The following STK32B variants were observed in gnomAD, a reference collection of about 807,000 sequenced individuals.
STK32B encodes the protein serine/threonine kinase 32B.
A neutral mutation model predicts 52.6 loss-of-function variants in STK32B; 43 were observed. That is an observed-to-expected ratio of 0.82 (90% CI 0.64 to 1.05). The LOEUF is 1.05. Ranked by LOEUF, STK32B falls within the 50% of genes least tolerant of loss-of-function variation. STK32B has a pLI of 0.00. For missense variants in STK32B, 621 were observed against 534.6 expected (o/e 1.16, Z -1.59); for synonymous variants, 238 against 204.3 (o/e 1.17, Z -1.41).
intron 5 of STK32B, among the ~76,000 whole-genome samples, chr4:5,409,182 C>T (rs1489072074): frequency 2.6e-5 from 4 of 152,078 alleles, no homozygotes; most frequent in African/African-American, 9.7e-5. Flanking sequence ...TCAGCAGAAT[C>T]GAAATCTCGG....
At chr4:5,357,062 T>C (rs1416760847) in intron 4 of STK32B, among the ~76,000 whole-genome samples, 1 of 146,206 alleles carries the variant, frequency 6.8e-6, no homozygotes, top group African/African-American at 2.6e-5. Flanking sequence ...CACACATATA[T>C]ACACACATAT....
rs28482954 is a variant in STK32B at position 5,278,215 on chromosome 4, C to A, written c.261-53005C>A. ...TTGCTGAGGAATGGTGGACAAAATA[C>A]ATTTAAAAATTAAGTACAGAACTGA... On this transcript the variant is annotated intron_variant, in intron 3 of 11. Coordinates refer to ENST00000282908, the MANE Select transcript of STK32B (RefSeq NM_018401.3). Among the ~76,000 whole-genome samples, 512 of 152,272 alleles carry A rather than the reference C, an allele frequency of 3.4e-3. 4 individuals carry two copies. Among genetic ancestry groups the A allele is most frequent in the South Asian group, 0.015 (70 of 4,824 alleles).
chr4:5,088,864 C>G (rs1264464881), intron 1 of STK32B, among the ~76,000 whole-genome samples: 1 of 151,556 alleles, frequency 6.6e-6, no homozygotes, highest in African/African-American at 2.4e-5. Context: ...AAATCAATAA[C>G]CTAATCTTTC....
intron 3 of STK32B, among the ~76,000 whole-genome samples, chr4:5,306,730 G>A (rs1214722810): frequency 1.3e-5 from 2 of 152,002 alleles, no homozygotes; most frequent in Non-Finnish European, 2.9e-5. Flanking sequence ...TTGTTTTATA[G>A]GTCCTGTGAC....
chr4:5,465,749 A>G (rs1717379126), intron 9 of STK32B, among the ~76,000 whole-genome samples: 1 of 152,204 alleles, frequency 6.6e-6, no homozygotes, highest in South Asian at 2.1e-4. Flanking sequence ...CACAGGGCCC[A>G]GTGGCAAGGC....
intron 3 of STK32B, among the ~76,000 whole-genome samples, chr4:5,301,345 T>A (rs1328223746): frequency 6.6e-6 from 1 of 152,140 alleles, no homozygotes; most frequent in Non-Finnish European, 1.5e-5. Context: ...AAGATTGTTA[T>A]TAGCTCTTCT....
chr4:5,051,490 T>G lies in STK32B; in HGVS notation c.-374T>G. The stretch of plus-strand genomic sequence containing the variant: ...CCTCCTCCCCCGCTCCTTCCCCTCC[T>G]TCCCCTGCTCCCGCGCCGCCTCGCG... On this transcript the variant is annotated 5_prime_UTR_variant, in exon 1 of 12. Coordinates refer to ENST00000282908, the MANE Select transcript of STK32B (RefSeq NM_018401.3). 1 of 280,100 alleles carries G rather than the reference T, an allele frequency of 3.6e-6. No homozygotes were observed. The highest frequency in any genetic ancestry group is 6.6e-6 in the Non-Finnish European group (1 of 151,588). 17.4% of individuals were successfully genotyped at this position (280,100 alleles called of 1,614,324 possible). A position where few individuals can be genotyped will look rare whatever the true frequency, so the allele number is the denominator to read the frequency against.
At chr4:5,077,867 G>C (rs1345630266) in intron 1 of STK32B, among the ~76,000 whole-genome samples, 1 of 152,094 alleles carries the variant, frequency 6.6e-6, no homozygotes, top group Admixed American at 6.6e-5. Context: ...TTTGTCTTCA[G>C]GTAATAGAAA....
chr4:5,200,971 G>A (rs1489696940), intron 3 of STK32B, among the ~76,000 whole-genome samples: 1 of 152,146 alleles, frequency 6.6e-6, no homozygotes, highest in Non-Finnish European at 1.5e-5. Flanking sequence ...TTATTGGATG[G>A]GCGGAGGAAG....
In STK32B at chr4:5,453,550, GA is replaced by G. The variant is rs959075475; in HGVS notation, c.667-3256del. ...CACCTCCTTTTCAGGGTAGGGGTGGGACTGTTTTGGGCAGAACTGTTTATTG... is the reference window on the plus strand; with the variant it reads ...CACCTCCTTTTCAGGGTAGGGGTGGGCTGTTTTGGGCAGAACTGTTTATTG... On this transcript the variant is annotated intron_variant, in intron 7 of 11. Coordinates refer to ENST00000282908, the MANE Select transcript of STK32B (RefSeq NM_018401.3). The surrounding 1 kb of genome is among the most constrained non-coding windows in gnomAD (Gnocchi z 4.0). 2.0e-5 allele frequency among the ~76,000 whole-genome samples: 3 copies of G among 152,096 alleles called. No individual in the cohort carries two copies. The highest frequency in any genetic ancestry group is 7.2e-5 in the African/African-American group (3 of 41,410).
intron 1 of STK32B, among the ~76,000 whole-genome samples, chr4:5,081,615 C>T (rs932282336): frequency 6.6e-6 from 1 of 151,766 alleles, no homozygotes; most frequent in African/African-American, 2.4e-5. Flanking sequence ...TTCAAAAGAC[C>T]TTTCATCTAG....
the STK32B span, among the ~76,000 whole-genome samples, chr4:5,031,045 G>A: frequency 6.6e-6 from 1 of 152,022 alleles, no homozygotes; most frequent in East Asian, 1.9e-4. Context: ...CAGGGGAGAG[G>A]TGATGTTGAA....
At position 5,499,164 on chromosome 4, in the gene STK32B, C is replaced by A. The variant is rs772548082; in HGVS notation, c.*81C>A. On this transcript the variant is annotated 3_prime_UTR_variant, in exon 12 of 12. Coordinates refer to ENST00000282908, the MANE Select transcript of STK32B (RefSeq NM_018401.3). ...GAGCCCCTCTTTGTGCCCTGATGGT[C>A]CCTGTCTCACCCCTGAAAACATCAG... 139 of 1,466,802 alleles carry A rather than the reference C, an allele frequency of 9.5e-5. No individual in the cohort carries two copies. The highest frequency in any genetic ancestry group is 1.2e-4 in the Non-Finnish European group (137 of 1,100,744). The allele number at this position is 1,466,802 out of a possible 1,614,324, so 90.9% of individuals were successfully genotyped here.
At chr4:5,186,975 G>A (rs2108759410) in intron 3 of STK32B, among the ~76,000 whole-genome samples, 1 of 152,310 alleles carries the variant, frequency 6.6e-6, no homozygotes, top group Non-Finnish European at 1.5e-5. Context: ...CGACACTCAG[G>A]GGGCCTGTGC....
At chr4:5,415,530 G>A (rs976556088) in intron 5 of STK32B, among the ~76,000 whole-genome samples, 3 of 152,184 alleles carry the variant, frequency 2.0e-5, no homozygotes, top group Non-Finnish European at 4.4e-5. Context: ...AAGCCCCAGA[G>A]GCTAAAGTAG....
chr4:5,182,491 T>C (rs1720438419), intron 3 of STK32B, among the ~76,000 whole-genome samples: 1 of 151,956 alleles, frequency 6.6e-6, no homozygotes, highest in South Asian at 2.1e-4. Context: ...AGACAGAGTC[T>C]CGCACTGTTG....
At chr4:5,285,708 C>T (rs1057322405) in intron 3 of STK32B, among the ~76,000 whole-genome samples, 6 of 152,066 alleles carry the variant, frequency 3.9e-5, no homozygotes, top group African/African-American at 7.2e-5. Flanking sequence ...TTTTAACTCA[C>T]CTCCCTTATT....
the STK32B span, among the ~76,000 whole-genome samples, chr4:5,040,338 A>T: frequency 4.0e-5 from 6 of 151,540 alleles, no homozygotes; most frequent in Non-Finnish European, 7.4e-5. Flanking sequence ...TGAGGCCTAT[A>T]GAAGGGAAGT....
chr4:5,381,082 A>T (rs1735905546), intron 4 of STK32B, among the ~76,000 whole-genome samples: 1 of 152,222 alleles, frequency 6.6e-6, no homozygotes, highest in African/African-American at 2.4e-5. Flanking sequence ...CATGCAAGTA[A>T]GAACTTGCCT....
Sources: gnomAD v4.1 joint callset for allele counts (sites outside exome capture counted in the v4.1 genomes callset) on GRCh38, gnomAD v4.1.1 for gene constraint, Gnocchi (gnomAD v3.1) non-coding constraint, MANE v1.5 for transcripts, NCBI Gene and HGNC (gene_info 2026-07-23, HGNC 2026-07-21) for gene names.